The following ORC4 variants were observed in gnomAD, a reference collection of about 807,000 sequenced individuals.
The protein encoded by ORC4 is origin recognition complex subunit 4.
ORC4 carries 55 observed loss-of-function variants against 63.9 expected under a neutral mutation model. The ratio of observed to expected loss-of-function variants is 0.86; its 90% CI spans 0.69 to 1.08. The LOEUF is 1.08. Among genes scored for constraint, ORC4 ranks in the 50% least tolerant of loss-of-function variants. The pLI is 0.00. For synonymous variants in ORC4, 150 were observed against 168.5 expected (o/e 0.89, Z 0.85); for missense variants, 511 against 504.4 (o/e 1.01, Z -0.13).
chr2:148,000,750 T>C (rs371258466), intron 1 of ORC4, among the ~76,000 whole-genome samples: 2 of 152,088 alleles, frequency 1.3e-5, no homozygotes, highest in African/African-American at 4.8e-5. Flanking sequence ...CCTCTGAATA[T>C]ATGGAAAGGC....
intron 1 of ORC4, among the ~76,000 whole-genome samples, chr2:147,991,737 A>G (rs1691623569): frequency 6.6e-6 from 1 of 152,254 alleles, no homozygotes; most frequent in Non-Finnish European, 1.5e-5. Flanking sequence ...CTGAGACAGG[A>G]GAATCGCTTG....
At position 147,943,515 on chromosome 2, in the gene ORC4, G is replaced by T; in HGVS notation, c.770C>A (p.Ser257Ter). 2.0e-6 allele frequency: 3 copies of T among 1,486,896 alleles called. No homozygotes were observed. The highest frequency in any genetic ancestry group is 1.1e-5 in the South Asian group (1 of 87,636). 92.1% of individuals were successfully genotyped at this position (1,486,896 alleles called of 1,614,324 possible). Residue 257 changes from serine (S) to a stop codon, truncating the protein, a stop_gained, in exon 10 of 14, where the codon TCA becomes TAA. Transcript: ENST00000392857. LOFTEE classifies it high-confidence loss of function. ...EKWNENVQYL[S>*]EDRSVQEVLQ... Reference sequence around the variant, plus strand: ...TACTTCTTGCACACTTCTATCTTCTGAGAGATACTAAAAGGAAAAAAAAAA... The same window carrying T: ...TACTTCTTGCACACTTCTATCTTCTTAGAGATACTAAAAGGAAAAAAAAAA...
chr2:147,960,192 G>A, intron 4 of ORC4: 6 of 857,806 alleles, frequency 7.0e-6, no homozygotes, highest in Non-Finnish European at 8.4e-6. Context: ...TTTTATATAT[G>A]CATAAGGAGA....
chr2:147,985,629 C>G (rs910464699), intron 1 of ORC4, among the ~76,000 whole-genome samples: 2 of 152,190 alleles, frequency 1.3e-5, no homozygotes, highest in African/African-American at 4.8e-5. Context: ...TAAAAGCCCT[C>G]CATTTAGTTT....
At chr2:147,980,523 G>T (rs1690820616) in intron 1 of ORC4, among the ~76,000 whole-genome samples, 2 of 151,844 alleles carry the variant, frequency 1.3e-5, no homozygotes, top group Admixed American at 6.6e-5. Flanking sequence ...AAACTTAATA[G>T]CAAGGAAACA....
In ORC4 at chr2:147,948,083, C is replaced by A; in HGVS notation, c.730G>T (p.Val244Phe). 1 of 1,612,090 alleles carries A rather than the reference C, an allele frequency of 6.2e-7. No individual in the cohort carries two copies. Among genetic ancestry groups the A allele is most frequent in the Non-Finnish European group, 8.5e-7 (1 of 1,178,566 alleles). ...LSLPAEFPDKVFAEKWNENVQ... is the reference protein window; with the variant it reads ...LSLPAEFPDKFFAEKWNENVQ... Reference sequence around the variant, plus strand: ...TTTTCATTCCACTTCTCAGCAAAAACCTTGTCTGGAAACTCTGCAGGTAGA... The same window carrying A: ...TTTTCATTCCACTTCTCAGCAAAAAACTTGTCTGGAAACTCTGCAGGTAGA... Residue 244 changes from valine (V) to phenylalanine (F), a missense_variant, in exon 9 of 14, where the codon GTT becomes TTT. Val to Phe is a conservative substitution (Grantham distance 50). Coordinates refer to ENST00000392857, the MANE Select transcript of ORC4 (RefSeq NM_181741.4).
chr2:147,967,599 TAC>T (rs1689967498), intron 4 of ORC4, among the ~76,000 whole-genome samples: 1 of 151,076 alleles, frequency 6.6e-6, no homozygotes, highest in African/African-American at 2.4e-5. Context: ...AGGTGAAAGG[TAC>T]AGTTTTGTAC....
Position 147,931,540 on chromosome 2 carries a change from A to C in ORC4, c.*3970T>G, listed in dbSNP as rs1687736352. On this transcript the variant is annotated 3_prime_UTR_variant, in exon 14 of 14. Coordinates refer to ENST00000392857, the MANE Select transcript of ORC4 (RefSeq NM_181741.4). Reference sequence around the variant, plus strand: ...CCTGTTGTTTCCTGACTTTTTAATGATTGCCATTCTAACTGGATAAAATAC... The same window carrying C: ...CCTGTTGTTTCCTGACTTTTTAATGCTTGCCATTCTAACTGGATAAAATAC... The C allele has an allele frequency of 2.6e-5, 4 of 152,104 alleles. No homozygotes were observed. Among genetic ancestry groups the C allele is most frequent in the Admixed American group, 6.6e-5 (1 of 15,244 alleles). The allele number at this position is 152,104 out of a possible 1,614,324, so 9.4% of individuals were successfully genotyped here. A position where few individuals can be genotyped will look rare whatever the true frequency, so the allele number is the denominator to read the frequency against.
At chr2:148,017,413 T>C (rs762048008) in intron 1 of ORC4, among the ~76,000 whole-genome samples, 1 of 152,258 alleles carries the variant, frequency 6.6e-6, no homozygotes, top group Non-Finnish European at 1.5e-5. Context: ...GGCTCACGTC[T>C]GTGATCCCAT....
intron 1 of ORC4, among the ~76,000 whole-genome samples, chr2:147,989,321 C>T (rs1186779071): frequency 6.6e-6 from 1 of 152,130 alleles, no homozygotes; most frequent in East Asian, 1.9e-4. Context: ...TCCCATACTA[C>T]TCACATCTCT....
chr2:147,983,485 G>T (rs116345206), intron 1 of ORC4, among the ~76,000 whole-genome samples: 4,827 of 152,254 alleles, frequency 0.032, 101 homozygotes, highest in Middle Eastern at 0.068. Context: ...TTGTCCAAGT[G>T]GTCCACTGGT....
At chr2:147,942,335 C>T (rs1158259958) in intron 10 of ORC4, among the ~76,000 whole-genome samples, 1 of 151,968 alleles carries the variant, frequency 6.6e-6, no homozygotes, top group Non-Finnish European at 1.5e-5. Flanking sequence ...AGTTAATTTT[C>T]AGAACAATTA....
At chr2:148,010,231 A>G (rs957625173) in intron 1 of ORC4, among the ~76,000 whole-genome samples, 2 of 152,142 alleles carry the variant, frequency 1.3e-5, no homozygotes, top group African/African-American at 4.8e-5. Context: ...TAAATGTGCA[A>G]ATCAAAAAGT....
At chr2:147,962,710 A>T (rs1167083707) in intron 4 of ORC4, among the ~76,000 whole-genome samples, 2 of 152,072 alleles carry the variant, frequency 1.3e-5, no homozygotes, top group Non-Finnish European at 2.9e-5. Context: ...GCCCCCGAGC[A>T]TCCAAGCAGC....
intron 8 of ORC4, among the ~76,000 whole-genome samples, chr2:147,951,995 T>TA (rs1688982152): frequency 6.6e-6 from 1 of 152,230 alleles, no homozygotes; most frequent in Admixed American, 6.5e-5. Flanking sequence ...TAGTATTACT[T>TA]AGAGTTGATT....
intron 4 of ORC4, among the ~76,000 whole-genome samples, chr2:147,959,796 A>G (rs1050099934): frequency 1.3e-5 from 2 of 152,140 alleles, no homozygotes; most frequent in African/African-American, 2.4e-5. Context: ...CAATCTCAAG[A>G]TATCACCTGT....
Position 147,933,280 on chromosome 2 carries a change from T to C in ORC4, c.*2230A>G, listed in dbSNP as rs1481122130. 2 of 152,110 alleles carry C rather than the reference T, an allele frequency of 1.3e-5. No homozygotes were observed. The highest frequency in any genetic ancestry group is 6.6e-5 in the Admixed American group (1 of 15,230). 9.4% of individuals were successfully genotyped at this position (152,110 alleles called of 1,614,324 possible). On this transcript the variant is annotated 3_prime_UTR_variant, in exon 14 of 14. Coordinates refer to ENST00000392857, the MANE Select transcript of ORC4 (RefSeq NM_181741.4). ...CTAGGGTTTTTCATATTTGTTTTTA[T>C]TGATGACAATTAAAGCAATTTAAGA...
At chr2:147,991,752 G>A (rs1001372226) in intron 1 of ORC4, among the ~76,000 whole-genome samples, 10 of 151,998 alleles carry the variant, frequency 6.6e-5, no homozygotes, top group African/African-American at 9.7e-5. Context: ...CGCTTGAACC[G>A]GGGAGGCGGA....
intron 2 of ORC4, among the ~76,000 whole-genome samples, chr2:147,974,343 A>T (rs1005793428): frequency 6.6e-6 from 1 of 152,012 alleles, no homozygotes; most frequent in Non-Finnish European, 1.5e-5. Flanking sequence ...TTGAAAGATT[A>T]AAAAAGGGGG....
Sources: gnomAD v4.1 joint callset for allele counts (sites outside exome capture counted in the v4.1 genomes callset) on GRCh38, gnomAD v4.1.1 for gene constraint, MANE v1.5 for transcripts, NCBI Gene and HGNC (gene_info 2026-07-23, HGNC 2026-07-21) for gene names.